STPG2: variants seen among roughly 807,000 people sequenced by gnomAD.
STPG2 encodes the protein sperm-tail PG-rich repeat-containing protein 2.
STPG2 carries 56 observed loss-of-function variants against 54.2 expected under a neutral mutation model. The ratio of observed to expected loss-of-function variants is 1.03; its 90% CI spans 0.83 to 1.29. The LOEUF (loss-of-function observed/expected upper bound fraction) is 1.29. STPG2 is among the 50% of genes most tolerant of loss of function. The pLI is 0.00. For synonymous variants in STPG2, 200 were observed against 181.8 expected (o/e 1.10, Z -0.81); for missense variants, 596 against 544.9 (o/e 1.09, Z -0.93).
At chr4:97,824,018 C>T (rs1728176132) in intron 9 of STPG2, among the ~76,000 whole-genome samples, 1 of 152,122 alleles carries the variant, frequency 6.6e-6, no homozygotes, top group African/African-American at 2.4e-5. Context: ...ATATTAATTG[C>T]TATTCTCTTT....
chr4:97,736,759 G>C (rs1254811194), intron 9 of STPG2, among the ~76,000 whole-genome samples: 1 of 152,330 alleles, frequency 6.6e-6, no homozygotes, highest in South Asian at 2.1e-4. Flanking sequence ...GCCTGCCTCT[G>C]TAGGCTCCAC....
At chr4:98,026,698 C>T (rs1736434201) in intron 5 of STPG2, among the ~76,000 whole-genome samples, 1 of 152,126 alleles carries the variant, frequency 6.6e-6, no homozygotes, top group African/African-American at 2.4e-5. Context: ...CTTTGCCACC[C>T]AGTGAACCAT....
chr4:97,729,066 T>TCTCTCTCTCTCTCTCTCG (rs1560504532), intron 9 of STPG2, among the ~76,000 whole-genome samples: 1 of 56,250 alleles, frequency 1.8e-5, no homozygotes, highest in Admixed American at 1.4e-4. Flanking sequence ...CAAGAATTTC[T>TCTCTCTCTCTCTCTCTCG]CTCTCTCTCT....
At chr4:97,653,204 A>G (rs1019802469) in intron 10 of STPG2, among the ~76,000 whole-genome samples, 2 of 152,008 alleles carry the variant, frequency 1.3e-5, no homozygotes, top group Admixed American at 1.3e-4. Context: ...GCAAGTATTA[A>G]AGGCATTGTA....
At chr4:97,758,039 G>A (rs1725782674) in intron 9 of STPG2, among the ~76,000 whole-genome samples, 2 of 152,128 alleles carry the variant, frequency 1.3e-5, no homozygotes, top group South Asian at 4.1e-4. Context: ...ATAATTTGAA[G>A]GTGTTAGTCT....
chr4:97,797,085 G>A (rs1442939176), intron 9 of STPG2, among the ~76,000 whole-genome samples: 2 of 152,184 alleles, frequency 1.3e-5, no homozygotes, highest in African/African-American at 2.4e-5. Flanking sequence ...AAGAGATTTT[G>A]AGCTGAGACA....
At chr4:97,887,234 A>C (rs1730603750) in intron 8 of STPG2, among the ~76,000 whole-genome samples, 1 of 152,194 alleles carries the variant, frequency 6.6e-6, no homozygotes, top group Admixed American at 6.5e-5. Flanking sequence ...CAGAGGTTGG[A>C]AGAGTGTGAA....
At chr4:97,463,233 C>T (rs1168498951) in intron 4 of STPG2, among the ~76,000 whole-genome samples, 2 of 152,004 alleles carry the variant, frequency 1.3e-5, no homozygotes, top group East Asian at 1.9e-4. Flanking sequence ...TCACATTTAC[C>T]TTTACTTCTT....
At chr4:97,502,735 C>CA (rs200962032) in intron 4 of STPG2, among the ~76,000 whole-genome samples, 3,107 of 150,636 alleles carry the variant, frequency 0.021, 68 homozygotes, top group African/African-American at 0.058. Context: ...TAAACCCTGA[C>CA]AAAAAAAATA....
At chr4:97,662,789 G>A (rs548193122) in intron 10 of STPG2, among the ~76,000 whole-genome samples, 1 of 152,280 alleles carries the variant, frequency 6.6e-6, no homozygotes, top group Non-Finnish European at 1.5e-5. Flanking sequence ...GACTACTAGA[G>A]TGGGGAGGAA....
chr4:97,914,851 G>A (rs987768709), intron 8 of STPG2, among the ~76,000 whole-genome samples: 7 of 152,138 alleles, frequency 4.6e-5, no homozygotes, highest in Non-Finnish European at 7.4e-5. Context: ...GGATGTCAAC[G>A]TGTACTTTCT....
At chr4:97,888,836 G>C (rs1730671380) in intron 8 of STPG2, among the ~76,000 whole-genome samples, 1 of 152,122 alleles carries the variant, frequency 6.6e-6, no homozygotes, top group Non-Finnish European at 1.5e-5. Flanking sequence ...GTGGGGCCTG[G>C]TAGGAGGTGA....
intron 10 of STPG2, among the ~76,000 whole-genome samples, chr4:97,664,796 C>A (rs1722472260): frequency 6.6e-6 from 1 of 151,988 alleles, no homozygotes; most frequent in South Asian, 2.1e-4. Context: ...CACCTTTGCC[C>A]AAGTTTTGCT....
At chr4:97,773,644 A>G (rs753710486) in intron 9 of STPG2, among the ~76,000 whole-genome samples, 16 of 152,180 alleles carry the variant, frequency 1.1e-4, no homozygotes, top group Non-Finnish European at 2.1e-4. Context: ...ATGTTGGCAA[A>G]AATAGTCACA....
chr4:97,741,249 C>A (rs1725221317), intron 9 of STPG2, among the ~76,000 whole-genome samples: 1 of 152,094 alleles, frequency 6.6e-6, no homozygotes, highest in Non-Finnish European at 1.5e-5. Context: ...AGACCTAAAA[C>A]CATAAAAACC....
chr4:97,506,419 C>T (rs968884938), intron 4 of STPG2, among the ~76,000 whole-genome samples: 38 of 151,634 alleles, frequency 2.5e-4, no homozygotes, highest in Admixed American at 4.6e-4. Flanking sequence ...CTTTCAAAAA[C>T]GATGGCAGAA....
intron 10 of STPG2, among the ~76,000 whole-genome samples, chr4:97,561,236 G>A (rs1180294005): frequency 1.3e-5 from 2 of 152,122 alleles, no homozygotes; most frequent in South Asian, 2.1e-4. Context: ...TTTTATGGCT[G>A]CATAAATGTC....
chr4:97,635,803 T>C (rs190546357), intron 10 of STPG2, among the ~76,000 whole-genome samples: 8,062 of 152,004 alleles, frequency 0.053, 302 homozygotes, highest in Non-Finnish European at 0.084. Context: ...ATCCTAAATA[T>C]ATATGCACCC....
At chr4:97,800,226 G>A (rs530310119) in intron 9 of STPG2, among the ~76,000 whole-genome samples, 53 of 152,320 alleles carry the variant, frequency 3.5e-4, no homozygotes, top group South Asian at 8.3e-4. Context: ...TACTGGCAAG[G>A]AGCTGCGTTC....
Sources: gnomAD v4.1 joint callset for allele counts (sites outside exome capture counted in the v4.1 genomes callset) on GRCh38, gnomAD v4.1.1 for gene constraint, MANE v1.5 for transcripts, NCBI Gene and HGNC (gene_info 2026-07-23, HGNC 2026-07-21) for gene names.